CCSER1: variants seen among roughly 807,000 people sequenced by gnomAD.
CCSER1 encodes the protein serine-rich coiled-coil domain-containing protein 1.
In CCSER1, 41 loss-of-function variants were observed where a neutral mutation model predicts 82.0. The ratio of observed to expected loss-of-function variants is 0.50; its 90% confidence interval spans 0.39 to 0.65. CCSER1 has a LOEUF of 0.65. Among genes scored for constraint, CCSER1 ranks in the 30% least tolerant of loss-of-function variants. CCSER1 has a pLI of 0.00. For missense variants in CCSER1, 1,119 were observed against 1,064.2 expected, an observed-to-expected ratio of 1.05 and a Z score of -0.72; for synonymous variants, 414 against 383.9, an observed-to-expected ratio of 1.08 and a Z score of -0.92.
At chr4:90,474,507 G>T (rs1271200648) in intron 5 of CCSER1, among the ~76,000 whole-genome samples, 1 of 152,130 alleles carries the variant, frequency 6.6e-6, no homozygotes, top group African/African-American at 2.4e-5. Flanking sequence ...AAATGGAGCC[G>T]ACTTGGGAGA....
At chr4:90,208,823 G>T (rs527497277) in intron 1 of CCSER1, among the ~76,000 whole-genome samples, 13 of 151,970 alleles carry the variant, frequency 8.6e-5, no homozygotes, top group Non-Finnish European at 1.5e-5. Flanking sequence ...CTCGCCCTCC[G>T]TGGGCTGCAC....
intron 1 of CCSER1, among the ~76,000 whole-genome samples, chr4:90,153,636 G>A (rs1727357946): frequency 6.6e-6 from 1 of 152,124 alleles, no homozygotes. Context: ...CTGATGGCCA[G>A]TGATGGTGAG....
At chr4:91,555,299 T>G (rs1313559376) in intron 10 of CCSER1, among the ~76,000 whole-genome samples, 2 of 151,172 alleles carry the variant, frequency 1.3e-5, no homozygotes, top group East Asian at 3.9e-4. Flanking sequence ...TGTTTATTAC[T>G]GCAGTTCAAA....
intron 7 of CCSER1, among the ~76,000 whole-genome samples, chr4:90,814,746 C>A (rs1381974838): frequency 6.6e-6 from 1 of 152,172 alleles, no homozygotes; most frequent in Non-Finnish European, 1.5e-5. Flanking sequence ...GCAATAGTGA[C>A]CTTTACTCCA....
At chr4:91,053,393 A>G (rs985667825) in intron 9 of CCSER1, among the ~76,000 whole-genome samples, 3 of 152,168 alleles carry the variant, frequency 2.0e-5, no homozygotes, top group African/African-American at 7.2e-5. Context: ...TTGTCAAGCT[A>G]TGGTGGAACA....
intron 9 of CCSER1, among the ~76,000 whole-genome samples, chr4:91,024,783 A>G (rs948586982): frequency 6.6e-6 from 1 of 152,134 alleles, no homozygotes; most frequent in Non-Finnish European, 1.5e-5. Context: ...ACATTTTAAT[A>G]TATATGAGAT....
intron 10 of CCSER1, among the ~76,000 whole-genome samples, chr4:91,114,134 G>C (rs1169527652): frequency 2.0e-5 from 3 of 152,192 alleles, no homozygotes; most frequent in Non-Finnish European, 4.4e-5. Flanking sequence ...TTACAGGCTT[G>C]AGCCACCATG....
intron 9 of CCSER1, among the ~76,000 whole-genome samples, chr4:90,948,049 A>C (rs1732467886): frequency 6.6e-6 from 1 of 152,164 alleles, no homozygotes; most frequent in South Asian, 2.1e-4. Context: ...TGTCTACTGT[A>C]ATTTTAGTTC....
At chr4:91,439,132 G>A (rs904691450) in intron 10 of CCSER1, among the ~76,000 whole-genome samples, 3 of 151,958 alleles carry the variant, frequency 2.0e-5, no homozygotes, top group Admixed American at 6.6e-5. Context: ...TACAGAGAAC[G>A]CCACAAAGAT....
At chr4:91,378,219 T>A (rs1206442491) in intron 10 of CCSER1, among the ~76,000 whole-genome samples, 1 of 152,166 alleles carries the variant, frequency 6.6e-6, no homozygotes, top group Non-Finnish European at 1.5e-5. Flanking sequence ...CTTAGGATTG[T>A]CTTGGCCATG....
intron 10 of CCSER1, among the ~76,000 whole-genome samples, chr4:91,132,457 T>C (rs983800693): frequency 1.3e-5 from 2 of 152,224 alleles, no homozygotes; most frequent in Admixed American, 6.5e-5. Flanking sequence ...AAACTCTCTC[T>C]GGACCCCAGA....
intron 3 of CCSER1, among the ~76,000 whole-genome samples, chr4:90,329,546 A>C (rs1255904196): frequency 6.6e-6 from 1 of 152,174 alleles, no homozygotes; most frequent in African/African-American, 2.4e-5. Flanking sequence ...GCCACAACTA[A>C]AAATTCCTAA....
chr4:90,674,354 C>G (rs1733389596), intron 6 of CCSER1, among the ~76,000 whole-genome samples: 1 of 152,022 alleles, frequency 6.6e-6, no homozygotes, highest in East Asian at 1.9e-4. Flanking sequence ...TATCTGAGAG[C>G]AGGCATCTTA....
At chr4:90,580,907 A>T (rs1033781579) in intron 5 of CCSER1, among the ~76,000 whole-genome samples, 3 of 152,236 alleles carry the variant, frequency 2.0e-5, no homozygotes, top group African/African-American at 4.8e-5. Context: ...GCTTAACAGA[A>T]TCCATGGGGA....
intron 9 of CCSER1, among the ~76,000 whole-genome samples, chr4:90,924,839 G>A (rs952351576): frequency 6.6e-6 from 1 of 152,104 alleles, no homozygotes; most frequent in African/African-American, 2.4e-5. Context: ...TGATTCTCCT[G>A]CCTCACCATC....
intron 9 of CCSER1, among the ~76,000 whole-genome samples, chr4:90,940,500 A>C (rs1731466131): frequency 6.6e-6 from 1 of 151,488 alleles, no homozygotes; most frequent in Admixed American, 6.6e-5. Context: ...ATAAATATTT[A>C]TTTGATTACA....
intron 8 of CCSER1, among the ~76,000 whole-genome samples, chr4:90,854,772 CCTATGATCT>C (rs1390220966): frequency 3.9e-5 from 6 of 151,966 alleles, no homozygotes; most frequent in Admixed American, 3.3e-4. Flanking sequence ...TAAGATTGCT[CCTATGATCT>C]CTAGGCTACT....
chr4:90,890,778 A>G (rs958560450), intron 8 of CCSER1, among the ~76,000 whole-genome samples: 1 of 152,158 alleles, frequency 6.6e-6, no homozygotes, highest in African/African-American at 2.4e-5. Context: ...AGGAATTCTC[A>G]TCTCAGAGTC....
intron 5 of CCSER1, among the ~76,000 whole-genome samples, chr4:90,598,373 C>G: frequency 6.6e-6 from 1 of 152,098 alleles, no homozygotes; most frequent in Non-Finnish European, 1.5e-5. Context: ...CACCCATTAA[C>G]TTGTCATTTA....
Sources: gnomAD v4.1 joint callset for allele counts (sites outside exome capture counted in the v4.1 genomes callset) on GRCh38, gnomAD v4.1.1 for gene constraint, MANE v1.5 for transcripts, NCBI Gene and HGNC (gene_info 2026-07-23, HGNC 2026-07-21) for gene names.